RBFOX1: variants seen among roughly 807,000 people sequenced by gnomAD.
The protein encoded by RBFOX1 is RNA binding protein fox-1 homolog 1.
A neutral mutation model predicts 57.7 loss-of-function variants in RBFOX1; 8 were observed. That is an observed-to-expected ratio of 0.14 (90% confidence interval 0.08 to 0.25). RBFOX1 has a LOEUF of 0.25. RBFOX1 is among the 10% of genes least tolerant of loss of function. RBFOX1 has a pLI of 1.00. For missense variants in RBFOX1, 611 were observed against 548.5 expected, an observed-to-expected ratio of 1.11 and a Z score of -1.14; for synonymous variants, 326 against 222.4, an observed-to-expected ratio of 1.47 and a Z score of -4.15.
chr16:6,741,277 C>T (rs896945331), intron 3 of RBFOX1, among the ~76,000 whole-genome samples: 3 of 152,148 alleles, frequency 2.0e-5, no homozygotes, highest in Non-Finnish European at 4.4e-5. Flanking sequence ...ATAAAACTTT[C>T]AGGCAATCCT....
chr16:6,594,184 A>G (rs1047652332), intron 2 of RBFOX1, among the ~76,000 whole-genome samples: 2 of 152,314 alleles, frequency 1.3e-5, no homozygotes, highest in Middle Eastern at 3.4e-3. Flanking sequence ...GTCTAGTAAG[A>G]GTGTGAAGTG....
chr16:6,160,432 C>A (rs1053661595), intron 1 of RBFOX1, among the ~76,000 whole-genome samples: 2 of 152,114 alleles, frequency 1.3e-5, no homozygotes, highest in African/African-American at 4.8e-5. Flanking sequence ...GGGAAGTCAA[C>A]CTTGATGCTT....
At chr16:6,777,731 G>T (rs576895774) in intron 3 of RBFOX1, among the ~76,000 whole-genome samples, 3 of 152,040 alleles carry the variant, frequency 2.0e-5, no homozygotes, top group Non-Finnish European at 4.4e-5. Context: ...TTCATAACTG[G>T]TGGGCTTGGT....
intron 2 of RBFOX1, among the ~76,000 whole-genome samples, chr16:6,355,346 C>T (rs1255696947): frequency 2.0e-5 from 3 of 151,962 alleles, no homozygotes; most frequent in African/African-American, 2.4e-5. Flanking sequence ...CATGTGTTCT[C>T]GTTGTTCAAC....
intron 2 of RBFOX1, among the ~76,000 whole-genome samples, chr16:6,556,587 C>G (rs17225394): frequency 0.37 from 55,999 of 151,992 alleles, 11,727 homozygotes; most frequent in East Asian, 0.71. Context: ...TTGTCATTTT[C>G]CAGATTGAAT....
intron 2 of RBFOX1, among the ~76,000 whole-genome samples, chr16:6,484,099 A>G (rs1273665331): frequency 6.6e-6 from 1 of 152,166 alleles, no homozygotes; most frequent in Non-Finnish European, 1.5e-5. Context: ...CTTCCTTGCC[A>G]ATGCTCATTG....
intron 4 of RBFOX1, among the ~76,000 whole-genome samples, chr16:7,408,474 A>G (rs2098383527): frequency 6.6e-6 from 1 of 152,232 alleles, no homozygotes; most frequent in African/African-American, 2.4e-5. Flanking sequence ...TCCTTAAATT[A>G]TAACGTCTGT....
chr16:7,173,930 C>A (rs2081190493), intron 4 of RBFOX1, among the ~76,000 whole-genome samples: 1 of 152,124 alleles, frequency 6.6e-6, no homozygotes, highest in African/African-American at 2.4e-5. Flanking sequence ...CGTATCCCAC[C>A]CTGGGTGACG....
rs557672225 is a variant in RBFOX1 at position 7,673,211 on chromosome 16, A to T, written c.931-3563A>T. On this transcript the variant is annotated intron_variant, in intron 13 of 15. Transcript: ENST00000550418. ...GGCCGGTAGAACATTTATTTTCAAA[A>T]GTGATCTAAAGTGAAAACTTTGATT... Among the ~76,000 whole-genome samples, 7 of 152,272 alleles carry T rather than the reference A, an allele frequency of 4.6e-5. No homozygotes were observed. The South Asian group carries it at 1.5e-3, about 32-fold the overall frequency.
At chr16:7,166,702 C>G (rs567628774) in intron 4 of RBFOX1, among the ~76,000 whole-genome samples, 82 of 152,188 alleles carry the variant, frequency 5.4e-4, no homozygotes, top group Admixed American at 2.2e-3. Flanking sequence ...TCAGCCGATG[C>G]ACTAGGATGA....
intron 3 of RBFOX1, among the ~76,000 whole-genome samples, chr16:6,941,706 TAGAC>T (rs1312453093): frequency 2.0e-5 from 3 of 152,112 alleles, no homozygotes; most frequent in Non-Finnish European, 4.4e-5. Context: ...GAAAGGTGGA[TAGAC>T]AGAGAGAGAT....
intron 3 of RBFOX1, among the ~76,000 whole-genome samples, chr16:6,692,738 C>A (rs910413445): frequency 6.6e-6 from 1 of 151,844 alleles, no homozygotes; most frequent in South Asian, 2.1e-4. Flanking sequence ...ATGTCTTTAT[C>A]TTCTGATCTG....
chr16:7,436,772 A>G (rs964036478), intron 4 of RBFOX1, among the ~76,000 whole-genome samples: 1 of 152,194 alleles, frequency 6.6e-6, no homozygotes, highest in Non-Finnish European at 1.5e-5. Context: ...AACATATTTT[A>G]AAATCTCAGC....
intron 2 of RBFOX1, among the ~76,000 whole-genome samples, chr16:6,564,944 C>G (rs779198360): frequency 6.6e-6 from 1 of 151,934 alleles, no homozygotes; most frequent in Non-Finnish European, 1.5e-5. Context: ...AGTTGGAGAT[C>G]AGCTTGGCCA....
intron 4 of RBFOX1, among the ~76,000 whole-genome samples, chr16:7,466,257 G>A (rs924135588): frequency 5.9e-5 from 9 of 152,192 alleles, no homozygotes; most frequent in Admixed American, 1.3e-4. Context: ...AGTATTGTAC[G>A]TACAGTTAAT....
chr16:6,232,912 G>A (rs1257786154), intron 1 of RBFOX1, among the ~76,000 whole-genome samples: 1 of 152,122 alleles, frequency 6.6e-6, no homozygotes, highest in Non-Finnish European at 1.5e-5. Flanking sequence ...TGTGAGATGT[G>A]GACAGCGTCA....
chr16:7,360,478 A>C (rs1249684047), intron 4 of RBFOX1, among the ~76,000 whole-genome samples: 1 of 152,170 alleles, frequency 6.6e-6, no homozygotes, highest in East Asian at 1.9e-4. Flanking sequence ...TAATTCTTGA[A>C]AAACTCACAT....
intron 2 of RBFOX1, among the ~76,000 whole-genome samples, chr16:6,438,459 C>T (rs543429863): frequency 6.6e-6 from 1 of 152,274 alleles, no homozygotes; most frequent in South Asian, 2.1e-4. Flanking sequence ...GGTTTCATGG[C>T]ATAGGGCTGG....
At chr16:7,480,968 A>T (rs1458700445) in intron 4 of RBFOX1, among the ~76,000 whole-genome samples, 1 of 152,150 alleles carries the variant, frequency 6.6e-6, no homozygotes, top group Non-Finnish European at 1.5e-5. Flanking sequence ...TGTCTTTTCC[A>T]CAGCTTATAG....
Sources: gnomAD v4.1 joint callset for allele counts (sites outside exome capture counted in the v4.1 genomes callset) on GRCh38, gnomAD v4.1.1 for gene constraint, MANE v1.5 for transcripts, NCBI Gene and HGNC (gene_info 2026-07-23, HGNC 2026-07-21) for gene names.